Variants in GPC5 observed in about 807,000 individuals in gnomAD.
The protein encoded by GPC5 is glypican 5.
GPC5 carries 47 observed loss-of-function variants against 53.9 expected under a neutral mutation model. The ratio of observed to expected loss-of-function variants is 0.87; its 90% CI spans 0.69 to 1.11. GPC5 has a LOEUF of 1.11. Among genes scored for constraint, GPC5 ranks in the 50% most tolerant of loss-of-function variants. The probability of loss-of-function intolerance (pLI) is 0.00; values close to 1 mark genes in which losing one functional copy is unlikely to be tolerated. For missense variants in GPC5, 748 were observed against 713.1 expected, an observed-to-expected ratio of 1.05 and a Z score of -0.56; for synonymous variants, 286 against 263.3, an observed-to-expected ratio of 1.09 and a Z score of -0.84.
chr13:91,526,878 G>A (rs1886111031), intron 2 of GPC5, among the ~76,000 whole-genome samples: 1 of 152,068 alleles, frequency 6.6e-6, no homozygotes, highest in Non-Finnish European at 1.5e-5. Flanking sequence ...AGAGCACAGG[G>A]GAAATTGACA....
rs115250095 is a variant in GPC5 at position 91,657,395 on chromosome 13, C to T, written c.326-35792C>T. Among the ~76,000 whole-genome samples, 716 of 152,198 alleles carry T rather than the reference C, an allele frequency of 4.7e-3. 6 individuals are homozygous for T. Among genetic ancestry groups the T allele is most frequent in the African/African-American group, 0.016 (649 of 41,522 alleles). ...AAGAAAAAGATTAGCCAGTAGATCT[C>T]AACTGGGGACAATTTTGCCTTCCAT... On this transcript the variant is annotated intron_variant, in intron 2 of 7. Coordinates refer to ENST00000377067, the MANE Select transcript of GPC5 (RefSeq NM_004466.6).
chr13:92,432,959 G>C (rs1440892168), intron 7 of GPC5, among the ~76,000 whole-genome samples: 1 of 152,098 alleles, frequency 6.6e-6, no homozygotes, highest in East Asian at 1.9e-4. Flanking sequence ...GAGCTTATTA[G>C]AGAAACTGTG....
chr13:92,089,965 T>C (rs1195906588), intron 6 of GPC5, among the ~76,000 whole-genome samples: 1 of 152,172 alleles, frequency 6.6e-6, no homozygotes, highest in Admixed American at 6.5e-5. Context: ...ACTTGTTCAA[T>C]TAATTCATTC....
chr13:91,410,568 G>T (rs111590864), intron 1 of GPC5, among the ~76,000 whole-genome samples: 30 of 151,532 alleles, frequency 2.0e-4, no homozygotes, highest in Admixed American at 2.0e-4. Flanking sequence ...GGATGGTCTC[G>T]ATCTCCTGAC....
At chr13:91,990,044 A>G (rs2040443417) in intron 6 of GPC5, among the ~76,000 whole-genome samples, 2 of 152,204 alleles carry the variant, frequency 1.3e-5, no homozygotes, top group African/African-American at 4.8e-5. Context: ...CATAAACAGC[A>G]TTTCTTTTCT....
intron 7 of GPC5, among the ~76,000 whole-genome samples, chr13:92,211,486 A>G (rs1478439128): frequency 6.6e-6 from 1 of 152,166 alleles, no homozygotes; most frequent in Non-Finnish European, 1.5e-5. Flanking sequence ...TCAATTTTCC[A>G]AGAGTTGGTT....
In GPC5 at chr13:92,414,034, G is replaced by T. The variant is rs567621604; in HGVS notation, c.1561+269045G>T. Among the ~76,000 whole-genome samples the T allele has an allele frequency of 7.2e-5, 11 of 152,234 alleles. 1 individual carries two copies. The highest frequency in any genetic ancestry group is 2.4e-4 in the African/African-American group (10 of 41,552). ...AGTTAAATCAAATGATTAGTGGAGT[G>T]AATTGGAGGGTTACTCATTCATTAA... On this transcript the variant is annotated intron_variant, in intron 7 of 7. Coordinates refer to ENST00000377067, the MANE Select transcript of GPC5 (RefSeq NM_004466.6).
At chr13:92,154,171 A>T (rs938864052) in intron 7 of GPC5, among the ~76,000 whole-genome samples, 8 of 151,984 alleles carry the variant, frequency 5.3e-5, no homozygotes, top group Admixed American at 5.2e-4. Flanking sequence ...ACATTCTTTT[A>T]AACAACCAGA....
At chr13:92,238,350 CCAATACTTAT>C (rs1356657235) in intron 7 of GPC5, among the ~76,000 whole-genome samples, 1 of 151,960 alleles carries the variant, frequency 6.6e-6, no homozygotes, top group East Asian at 1.9e-4. Flanking sequence ...CACATCCTCA[CCAATACTTAT>C]CAATACTTAT....
chr13:92,437,499 AT>A, intron 7 of GPC5, among the ~76,000 whole-genome samples: 1 of 152,160 alleles, frequency 6.6e-6, no homozygotes, highest in Non-Finnish European at 1.5e-5. Context: ...GAAGAAAAAA[AT>A]ATGTAGTTGT....
chr13:91,907,866 T>C (rs879793779), intron 5 of GPC5, 71 bp from the exon 6 acceptor site: 4 of 1,510,928 alleles, frequency 2.6e-6, no homozygotes, highest in Non-Finnish European at 3.6e-6. Context: ...ACCTCAAATA[T>C]GTTCAGATAG....
rs201808303 is a variant in GPC5 at position 92,334,191 on chromosome 13, A to G, written c.1561+189202A>G. On this transcript the variant is annotated intron_variant, in intron 7 of 7. Coordinates refer to ENST00000377067, the MANE Select transcript of GPC5 (RefSeq NM_004466.6). ...GGAAAAAGAGGTTTAATGGACTCACAGTTCCACATGGCTAGGGAGGCCTCT... is the reference window on the plus strand; with the variant it reads ...GGAAAAAGAGGTTTAATGGACTCACGGTTCCACATGGCTAGGGAGGCCTCT... Among the ~76,000 whole-genome samples the G allele has an allele frequency of 5.9e-5, 9 of 152,342 alleles. No individual in the cohort carries two copies. In the East Asian group the frequency reaches 1.5e-3, roughly 26 times the overall value.
intron 5 of GPC5, among the ~76,000 whole-genome samples, chr13:91,818,429 A>G (rs12866975): frequency 6.6e-6 from 1 of 152,228 alleles, no homozygotes; most frequent in Non-Finnish European, 1.5e-5. Flanking sequence ...TATTAAAAAG[A>G]CCCTATATTA....
At chr13:92,282,123 G>C (rs541050746) in intron 7 of GPC5, among the ~76,000 whole-genome samples, 34 of 152,314 alleles carry the variant, frequency 2.2e-4, no homozygotes, top group African/African-American at 7.7e-4. Flanking sequence ...TAGCCGATTC[G>C]ATCAACTGGA....
At chr13:92,595,746 C>T (rs568543901) in intron 7 of GPC5, among the ~76,000 whole-genome samples, 5 of 99,178 alleles carry the variant, frequency 5.0e-5, no homozygotes, top group South Asian at 3.8e-4. Context: ...CCAGCCTGGG[C>T]GAAAGAGCGA....
intron 7 of GPC5, among the ~76,000 whole-genome samples, chr13:92,740,896 TTA>T (rs59036154): frequency 0.45 from 60,591 of 134,558 alleles, 14,240 homozygotes; most frequent in Middle Eastern, 0.54. Context: ...ATTTATTTAT[TTA>T]TATATATATA....
chr13:92,749,024 A>G (rs1480992429), intron 7 of GPC5, among the ~76,000 whole-genome samples: 1 of 152,164 alleles, frequency 6.6e-6, no homozygotes, highest in East Asian at 1.9e-4. Context: ...GTTTTAGAGC[A>G]CTTGAATCAT....
chr13:91,450,889 A>G (rs1881132158), intron 2 of GPC5, among the ~76,000 whole-genome samples: 1 of 152,168 alleles, frequency 6.6e-6, no homozygotes, highest in Non-Finnish European at 1.5e-5. Context: ...CTGGAACCAA[A>G]TTCACTTATA....
chr13:92,152,856 A>T (rs1165116826), intron 7 of GPC5, among the ~76,000 whole-genome samples: 3 of 152,192 alleles, frequency 2.0e-5, no homozygotes, highest in Non-Finnish European at 2.9e-5. Context: ...CCCTCCACCG[A>T]GTCCAAGAAA....
Sources: allele counts gnomAD v4.1 joint callset (sites outside exome capture counted in the v4.1 genomes callset), GRCh38; gene constraint gnomAD v4.1.1; transcripts MANE v1.5; gene names NCBI Gene and HGNC (gene_info 2026-07-23, HGNC 2026-07-21).